Variants in F13A1 observed in about 807,000 individuals in gnomAD.
F13A1 encodes FSF, A subunit.
In F13A1, 47 loss-of-function variants were observed where a neutral mutation model predicts 80.1. The observed-to-expected ratio is 0.59, with a 90% CI of 0.46 to 0.75. The LOEUF (loss-of-function observed/expected upper bound fraction) is 0.75. Ranked by LOEUF, F13A1 falls within the 30% of genes least tolerant of loss-of-function variation. The pLI is 0.00. For synonymous variants in F13A1, 349 were observed against 344.9 expected, an observed-to-expected ratio of 1.01 and a Z score of -0.13; for missense variants, 817 against 930.4, an observed-to-expected ratio of 0.88 and a Z score of 1.59.
intron 13 of F13A1, among the ~76,000 whole-genome samples, chr6:6,154,904 A>T (rs35010441): frequency 0.2 from 30,804 of 152,240 alleles, 3,263 homozygotes; most frequent in Middle Eastern, 0.28. Context: ...TATGATCACT[A>T]TATTCTTTCT....
intron 13 of F13A1, among the ~76,000 whole-genome samples, chr6:6,166,881 T>G (rs1760683321): frequency 6.6e-6 from 1 of 152,176 alleles, no homozygotes; most frequent in Non-Finnish European, 1.5e-5. Context: ...TTGGTGATAG[T>G]CTAGGGGGTT....
At chr6:6,161,924 G>T (rs559204253) in intron 13 of F13A1, among the ~76,000 whole-genome samples, 18 of 152,268 alleles carry the variant, frequency 1.2e-4, no homozygotes, top group African/African-American at 3.9e-4. Context: ...GCCCAGTATT[G>T]TTCCAGATTG....
At chr6:6,217,687 TAA>T (rs1757122426) in intron 8 of F13A1, among the ~76,000 whole-genome samples, 1 of 151,610 alleles carries the variant, frequency 6.6e-6, no homozygotes, top group African/African-American at 2.4e-5. Flanking sequence ...ATAATAAAAA[TAA>T]ATAAAAATAA....
At chr6:6,302,445 A>T (rs1758447665) in intron 3 of F13A1, among the ~76,000 whole-genome samples, 1 of 152,238 alleles carries the variant, frequency 6.6e-6, no homozygotes, top group Admixed American at 6.5e-5. Context: ...TGAATACAGC[A>T]CTGCAGGCAA....
At chr6:6,283,817 C>G (rs1186935158) in intron 3 of F13A1, among the ~76,000 whole-genome samples, 1 of 152,178 alleles carries the variant, frequency 6.6e-6, no homozygotes, top group Non-Finnish European at 1.5e-5. Flanking sequence ...TGGCAACATC[C>G]TATCTCTAAC....
intron 4 of F13A1, among the ~76,000 whole-genome samples, chr6:6,263,741 G>A (rs1757808228): frequency 6.6e-6 from 1 of 152,154 alleles, no homozygotes; most frequent in Non-Finnish European, 1.5e-5. Flanking sequence ...TCCCAGCTCT[G>A]AAAATGGCAC....
At chr6:6,206,014 TGAA>T (rs1761482374) in intron 8 of F13A1, among the ~76,000 whole-genome samples, 1 of 152,128 alleles carries the variant, frequency 6.6e-6, no homozygotes, top group Non-Finnish European at 1.5e-5. Context: ...TGACTGAACA[TGAA>T]GAAAATATTG....
At chr6:6,152,071 A>G in intron 13 of F13A1, 122 bp from the exon 14 acceptor site, 2 of 1,149,638 alleles carry the variant, frequency 1.7e-6, no homozygotes, top group East Asian at 5.1e-5. Flanking sequence ...CAATGGAACC[A>G]GTGTGATGAG....
intron 4 of F13A1, among the ~76,000 whole-genome samples, chr6:6,257,063 G>T (rs551318622): frequency 6.6e-6 from 1 of 152,106 alleles, no homozygotes; most frequent in Non-Finnish European, 1.5e-5. Flanking sequence ...TTAGAGCGAG[G>T]GGATTAGGAA....
At chr6:6,202,597 G>A (rs567255717) in intron 8 of F13A1, among the ~76,000 whole-genome samples, 10 of 152,236 alleles carry the variant, frequency 6.6e-5, no homozygotes, top group East Asian at 5.8e-4. Flanking sequence ...AAAAGGTACC[G>A]TGTCCCTTTA....
intron 10 of F13A1, among the ~76,000 whole-genome samples, chr6:6,190,907 T>G (rs2151080346): frequency 6.6e-6 from 1 of 152,226 alleles, no homozygotes; most frequent in Admixed American, 6.5e-5. Flanking sequence ...CCGAGCCAGG[T>G]GCGGGATATA....
intron 3 of F13A1, among the ~76,000 whole-genome samples, chr6:6,302,955 G>A (rs1179172429): frequency 1.3e-5 from 2 of 152,128 alleles, no homozygotes; most frequent in African/African-American, 4.8e-5. Context: ...CATTCCATCT[G>A]AGATTTACTA....
chr6:6,175,608 C>T (rs998481583), intron 11 of F13A1, among the ~76,000 whole-genome samples: 2 of 152,216 alleles, frequency 1.3e-5, no homozygotes, highest in Non-Finnish European at 2.9e-5. Context: ...GAGATGTTCT[C>T]CACCTTAATT....
At chr6:6,315,199 T>C (rs536979350) in intron 2 of F13A1, among the ~76,000 whole-genome samples, 3 of 152,312 alleles carry the variant, frequency 2.0e-5, no homozygotes, top group African/African-American at 7.2e-5. Context: ...CAGCTACACA[T>C]AACCTTTCAG....
intron 4 of F13A1, among the ~76,000 whole-genome samples, chr6:6,253,142 CAAAAAAAA>C: frequency 1.4e-5 from 1 of 73,992 alleles, no homozygotes; most frequent in Admixed American, 1.9e-4. Context: ...GAATCTGTCC[CAAAAAAAA>C]AAAAAAAAAA....
intron 9 of F13A1, among the ~76,000 whole-genome samples, 179 bp from the exon 10 acceptor site, chr6:6,196,064 C>T (rs1315061019): frequency 6.6e-6 from 1 of 152,170 alleles, no homozygotes; most frequent in Non-Finnish European, 1.5e-5. Context: ...CCCCTCAAGC[C>T]AAAAATTGAA....
intron 7 of F13A1, among the ~76,000 whole-genome samples, chr6:6,223,791 CCCCT>C (rs1452575351): frequency 1.3e-5 from 2 of 152,030 alleles, no homozygotes; most frequent in Non-Finnish European, 2.9e-5. Context: ...CAGCCTCCAA[CCCCT>C]CCCTTTGTTT....
In F13A1 at chr6:6,168,377, A is replaced by G. The variant is rs570919577; in HGVS notation, c.1748-759T>C. Among the ~76,000 whole-genome samples, 3 of 152,116 alleles carry G rather than the reference A, an allele frequency of 2.0e-5. No individual in the cohort carries two copies. In the South Asian group the frequency reaches 6.3e-4, roughly 32 times the overall value. On this transcript the variant is annotated intron_variant, in intron 12 of 14. Transcript: ENST00000264870. ...ATTACCATCTGGGCTGAGGATGGTG[A>G]GTTCTATCTTGTGGCTCTGGCTCAC...
intron 11 of F13A1, 54 bp from the exon 12 acceptor site, chr6:6,174,921 A>G (rs1760854583): frequency 1.9e-6 from 3 of 1,607,068 alleles, no homozygotes; most frequent in Non-Finnish European, 2.6e-6. Flanking sequence ...CCAGAGAGAA[A>G]GTCACATTAA....
Sources: gnomAD v4.1 joint callset for allele counts (sites outside exome capture counted in the v4.1 genomes callset) on GRCh38, gnomAD v4.1.1 for gene constraint, MANE v1.5 for transcripts, NCBI Gene and HGNC (gene_info 2026-07-23, HGNC 2026-07-21) for gene names.